The following ZZEF1 variants were observed in gnomAD, a reference collection of about 807,000 sequenced individuals.
The protein encoded by ZZEF1 is zinc finger ZZ-type and EF-hand domain containing 1.
Under a neutral mutation model 342.8 loss-of-function variants are expected in ZZEF1, and 157 were observed. That is an observed-to-expected ratio of 0.46 (90% CI 0.40 to 0.52). ZZEF1 has a LOEUF of 0.52. Among genes scored for constraint, ZZEF1 ranks in the 20% least tolerant of loss-of-function variants. The probability of loss-of-function intolerance (pLI) is 0.00; values close to 1 mark genes in which losing one functional copy is unlikely to be tolerated. For synonymous variants in ZZEF1, 1,505 were observed against 1,429.1 expected, an observed-to-expected ratio of 1.05 and a Z score of -1.20; for missense variants, 3,480 against 3,725.6, an observed-to-expected ratio of 0.93 and a Z score of 1.72.
chr17:4,021,221 C>T lies in ZZEF1; in HGVS notation c.7312G>A (p.Val2438Met), dbSNP rs1479797075. Residue 2438 changes from valine (V) to methionine (M), a missense_variant, in exon 45 of 55, where the codon GTG becomes ATG. This residue lies in a region of ZZEF1 where 1,269 missense variants were observed against 1,342.4 expected (regional missense o/e 0.95). Transcript: ENST00000381638. ...LDERGDREEE[V>M]ERPVSSPGDP... Reference sequence around the variant, plus strand: ...CCAGGGCTGCTGACTGGCCGTTCCACCTCTTCCTCTCGGTCCCCTCGCTCA... The same window carrying T: ...CCAGGGCTGCTGACTGGCCGTTCCATCTCTTCCTCTCGGTCCCCTCGCTCA... 6.2e-7 allele frequency: 1 copy of T among 1,614,236 alleles called. No individual in the cohort carries two copies. Among genetic ancestry groups the T allele is most frequent in the Admixed American group, 1.7e-5 (1 of 60,032 alleles).
At chr17:4,061,392 A>C (rs2145215897) in intron 30 of ZZEF1, among the ~76,000 whole-genome samples, 1 of 152,052 alleles carries the variant, frequency 6.6e-6, no homozygotes, top group Middle Eastern at 3.4e-3. Context: ...AAGTGTCCCT[A>C]AGGCTCAGTC....
chr17:4,117,201 G>T, intron 2 of ZZEF1, 35 bp from the exon 3 acceptor site: 1 of 1,573,008 alleles, frequency 6.4e-7, no homozygotes, highest in Non-Finnish European at 8.7e-7. Flanking sequence ...GTGTTTTGGG[G>T]AAGCCACAGT....
chr17:4,081,293 G>T, intron 18 of ZZEF1, 83 bp downstream of exon 18: 1 of 1,115,268 alleles, frequency 9.0e-7, no homozygotes, highest in Non-Finnish European at 1.3e-6. Flanking sequence ...CTGCAAAGAG[G>T]CAAAGGGGGG....
chr17:4,033,140 CT>C (rs2056585790), intron 40 of ZZEF1, 138 bp from the exon 41 acceptor site: 1 of 795,914 alleles, frequency 1.3e-6, no homozygotes, highest in Non-Finnish European at 1.9e-6. Flanking sequence ...CAGAATAATG[CT>C]TTTCGTATAA....
chr17:4,071,822 G>A (rs1341629314), intron 25 of ZZEF1, among the ~76,000 whole-genome samples: 2 of 152,088 alleles, frequency 1.3e-5, no homozygotes, highest in African/African-American at 2.4e-5. Flanking sequence ...GGAGCGGGGA[G>A]AAAACCAGAC....
intron 42 of ZZEF1, among the ~76,000 whole-genome samples, chr17:4,027,749 G>A (rs560188657): frequency 5.3e-5 from 8 of 151,870 alleles, no homozygotes; most frequent in Non-Finnish European, 1.0e-4. Context: ...ACAGGTGTGT[G>A]TCACCACACC....
At chr17:4,025,757 T>C (rs2037410641) in intron 42 of ZZEF1, among the ~76,000 whole-genome samples, 1 of 151,630 alleles carries the variant, frequency 6.6e-6, no homozygotes. Context: ...CTGGATTTAC[T>C]CTCCCACCTT....
intron 21 of ZZEF1, chr17:4,076,411 G>A (rs903540586): frequency 5.3e-6 from 2 of 378,420 alleles, no homozygotes; most frequent in Non-Finnish European, 4.7e-6. Context: ...GGGATTACAA[G>A]CGTGAGCCAC....
chr17:4,022,231 C>T (rs191953442), intron 44 of ZZEF1, among the ~76,000 whole-genome samples: 113 of 152,132 alleles, frequency 7.4e-4, no homozygotes, highest in African/African-American at 2.5e-3. Flanking sequence ...TTTCCTGGGC[C>T]GAAAGTTGGC....
intron 46 of ZZEF1, among the ~76,000 whole-genome samples, chr17:4,018,308 G>A (rs75981786): frequency 0.058 from 8,843 of 152,028 alleles, 386 homozygotes; most frequent in South Asian, 0.13. Context: ...ACGTGTTGGA[G>A]CTATGTTGCC....
intron 1 of ZZEF1, among the ~76,000 whole-genome samples, chr17:4,128,210 T>G (rs113672542): frequency 0.086 from 12,974 of 151,518 alleles, 618 homozygotes; most frequent in South Asian, 0.14. Flanking sequence ...TAGCTGGGTG[T>G]GGTGGCGCGT....
Position 4,044,345 on chromosome 17 carries a change from T to C in ZZEF1, c.6045A>G (p.Arg2015=). The C allele has an allele frequency of 4.3e-6, 7 of 1,613,840 alleles. No homozygotes were observed. Among genetic ancestry groups the C allele is most frequent in the Non-Finnish European group, 5.9e-6 (7 of 1,179,902 alleles). Residue 2015 remains arginine (R), a synonymous_variant, in exon 38 of 55, where the codon AGA becomes AGG. Coordinates refer to ENST00000381638, the MANE Select transcript of ZZEF1 (RefSeq NM_015113.4). ...TATTTCTCTGCTTGAAATCTACAGG[T>C]CTGATTTCCTCATGAACAGCTCTCT... is the stretch of plus-strand genomic sequence containing the variant. The part of the protein sequence containing the change: ...NGKRAVHEEI[R]PVDFKQRNKA...
chr17:4,034,144 A>T lies in ZZEF1; in HGVS notation c.6455T>A (p.Val2152Glu). 2 of 1,614,108 alleles carry T rather than the reference A, an allele frequency of 1.2e-6. No homozygotes were observed. Among genetic ancestry groups the T allele is most frequent in the Non-Finnish European group, 1.7e-6 (2 of 1,180,020 alleles). ...GAGGACTTTGATCACTGCGGCGTCT[A>T]CCTCTGCTGGCAAAAGACGGATAAT... is the stretch of plus-strand genomic sequence containing the variant. ...QLIIRLLPAE[V>E]DAAVIKVLSA... Residue 2152 changes from valine to glutamate, a missense_variant, in exon 40 of 55, where the codon GTA becomes GAA. By Grantham distance (121) the Val-to-Glu change is moderately radical. Around this residue, in one of 5 missense-constraint regions of ZZEF1, gnomAD observed 1,269 missense variants for 1,342.4 expected, o/e 0.95. Transcript: ENST00000381638.
intron 1 of ZZEF1, among the ~76,000 whole-genome samples, chr17:4,131,535 T>C (rs1034493042): frequency 4.0e-5 from 6 of 151,844 alleles, no homozygotes; most frequent in Admixed American, 1.3e-4. Context: ...TCCCAGCACT[T>C]TGGGAGGCTA....
chr17:4,120,350 C>T (rs1351491305), intron 2 of ZZEF1, among the ~76,000 whole-genome samples: 1 of 151,132 alleles, frequency 6.6e-6, no homozygotes, highest in African/African-American at 2.4e-5. Flanking sequence ...GAGCAAGATT[C>T]CGTCTCAGAA....
At chr17:4,013,319 T>C (rs1434028301) in intron 52 of ZZEF1, 130 bp downstream of exon 52, 1 of 929,766 alleles carries the variant, frequency 1.1e-6, no homozygotes, top group East Asian at 3.0e-5. Context: ...AGCAAATGAC[T>C]GAAAAACTGG....
chr17:4,006,962 C>T lies in ZZEF1; in HGVS notation c.8814G>A (p.Gln2938=). ...HLLRCAAQAL[Q]NIAAISLAIN... ...TGGCCAGGCTGATGGCAGCAATGTT[C>T]TGCAGAGCCTGTAGAGGGAAAAAGA... Residue 2938 remains glutamine, a synonymous_variant, in exon 55 of 55, where the codon CAG becomes CAA. Transcript: ENST00000381638. 2 of 1,582,876 alleles carry T rather than the reference C, an allele frequency of 1.3e-6. No homozygotes were observed. The highest frequency in any genetic ancestry group is 1.2e-5 in the South Asian group (1 of 86,756).
rs757432939 is a variant in ZZEF1, at chr17:4,042,430, G to A, written c.6305C>T (p.Ser2102Leu). 8 of 1,608,990 alleles carry A rather than the reference G, an allele frequency of 5.0e-6. No individual in the cohort carries two copies. The highest frequency in any genetic ancestry group is 1.7e-4 in the Middle Eastern group (1 of 6,052). Residue 2102 changes from serine to leucine, a missense_variant and splice_region_variant, in exon 39 of 55, where the codon TCG (serine) becomes TTG (leucine). Ser to Leu is a moderately radical substitution (Grantham distance 145). Transcript: ENST00000381638. ...LLAAMLPPLKSGPTVPLIDLE... is the reference protein window; with the variant it reads ...LLAAMLPPLKLGPTVPLIDLE... ...CTTTTAAAAATAAATTGCCCTTACCGACTTTAAGGGAGGTAACATGGCTGC... is the reference window on the plus strand; with the variant it reads ...CTTTTAAAAATAAATTGCCCTTACCAACTTTAAGGGAGGTAACATGGCTGC...
chr17:4,007,679 T>G (rs1366294730), intron 54 of ZZEF1, among the ~76,000 whole-genome samples: 1 of 151,962 alleles, frequency 6.6e-6, no homozygotes, highest in Non-Finnish European at 1.5e-5. Context: ...TGCTGGTAGG[T>G]AGCTGTTGGG....
Sources: gnomAD v4.1 joint callset for allele counts (sites outside exome capture counted in the v4.1 genomes callset) on GRCh38, gnomAD v4.1.1 for gene constraint, gnomAD v4.1.1 regional missense constraint, MANE v1.5 for transcripts, NCBI Gene and HGNC (gene_info 2026-07-23, HGNC 2026-07-21) for gene names.